CNGA3: variants seen among roughly 807,000 people sequenced by gnomAD.
CNGA3 encodes cyclic nucleotide gated channel subunit alpha 3.
Under a neutral mutation model 46.6 loss-of-function variants are expected in CNGA3, and 42 were observed. That is an observed-to-expected ratio of 0.90 (90% CI 0.70 to 1.17). The LOEUF is 1.17. Among genes scored for constraint, CNGA3 ranks in the 50% most tolerant of loss-of-function variants. CNGA3 has a pLI of 0.00. For missense variants in CNGA3, 893 were observed against 890.7 expected (o/e 1.00, Z -0.03); for synonymous variants, 394 against 369.4 (o/e 1.07, Z -0.76).
At chr2:98,351,410 G>A (rs367978845) in intron 1 of CNGA3, among the ~76,000 whole-genome samples, 1 of 152,162 alleles carries the variant, frequency 6.6e-6, no homozygotes, top group South Asian at 2.1e-4. Flanking sequence ...GAGATCTGAT[G>A]GCTTTATAAG....
chr2:98,368,174 C>A (rs1370733011), intron 1 of CNGA3, among the ~76,000 whole-genome samples: 1 of 152,216 alleles, frequency 6.6e-6, no homozygotes, highest in East Asian at 1.9e-4. Flanking sequence ...AGAGACAAGT[C>A]AGGACCCTGC....
At chr2:98,385,272 A>C (rs977821260) in intron 5 of CNGA3, among the ~76,000 whole-genome samples, 4 of 152,246 alleles carry the variant, frequency 2.6e-5, no homozygotes, top group Admixed American at 2.6e-4. Context: ...TGGTGACTTG[A>C]CGTTAAGACT....
In CNGA3 at chr2:98,346,477, A is replaced by G. The variant is rs1481839358; in HGVS notation, c.-95A>G. The G allele has an allele frequency of 1.5e-5, 6 of 398,358 alleles. No homozygotes were observed. The highest frequency in any genetic ancestry group is 2.2e-5 in the Non-Finnish European group (5 of 226,072). 24.7% of individuals were successfully genotyped at this position (398,358 alleles called of 1,614,324 possible). ...GAGCGGAACTGCGCCTAGGAGGCCG[A>G]GGGAGGAGGCGCTCCGCAGACCCTG... On this transcript the variant is annotated 5_prime_UTR_variant, in exon 1 of 8. Coordinates refer to ENST00000272602, the MANE Select transcript of CNGA3 (RefSeq NM_001298.3).
intron 7 of CNGA3, among the ~76,000 whole-genome samples, chr2:98,392,568 GA>G (rs547113749): frequency 8.4e-5 from 10 of 119,662 alleles, no homozygotes; most frequent in South Asian, 5.2e-4. Flanking sequence ...CTCAAAAAAA[GA>G]AAAAAAAAAG....
At chr2:98,367,051 C>G (rs1417714681) in intron 1 of CNGA3, among the ~76,000 whole-genome samples, 1 of 152,126 alleles carries the variant, frequency 6.6e-6, no homozygotes. Context: ...TGCTTGTCCT[C>G]ACTCTCCTTG....
intron 1 of CNGA3, among the ~76,000 whole-genome samples, chr2:98,351,667 T>A (rs970140960): frequency 2.6e-5 from 4 of 152,202 alleles, no homozygotes; most frequent in Non-Finnish European, 5.9e-5. Flanking sequence ...AATGAGTTGA[T>A]ACACGTAAAA....
intron 1 of CNGA3, among the ~76,000 whole-genome samples, chr2:98,361,970 G>A (rs918873394): frequency 6.6e-6 from 1 of 151,976 alleles, no homozygotes; most frequent in African/African-American, 2.4e-5. Flanking sequence ...GCCTCCCAAA[G>A]TGCTGGGATT....
At chr2:98,380,466 C>A in intron 4 of CNGA3, 112 bp downstream of exon 4, 1 of 1,305,726 alleles carries the variant, frequency 7.7e-7, no homozygotes, top group Non-Finnish European at 1.1e-6. Flanking sequence ...GAACGTCATC[C>A]CCATGAGCTG....
intron 1 of CNGA3, among the ~76,000 whole-genome samples, chr2:98,360,456 A>G (rs1692004848): frequency 6.6e-6 from 1 of 152,218 alleles, no homozygotes; most frequent in Non-Finnish European, 1.5e-5. Flanking sequence ...GTAATTCGAT[A>G]GTTTTTCCAC....
intron 2 of CNGA3, 83 bp from the exon 3 acceptor site, chr2:98,377,604 A>G: frequency 7.4e-7 from 1 of 1,344,122 alleles, no homozygotes; most frequent in South Asian, 1.3e-5. Flanking sequence ...TAAGCAGAAC[A>G]TCTGACTGTC....
Position 98,396,030 on chromosome 2 carries a change from T to A in CNGA3, c.860T>A (p.Phe287Tyr), listed in dbSNP as rs754926768. 9 of 1,614,226 alleles carry A rather than the reference T, an allele frequency of 5.6e-6. No individual in the cohort carries two copies. In the South Asian group the frequency reaches 9.9e-5, roughly 18 times the overall value. The change falls in exon 8 of 8, where the codon TTC becomes TAC. Residue 287 changes from phenylalanine (F) to tyrosine (Y), a missense_variant. Phe to Tyr is a conservative substitution (Grantham distance 22, BLOSUM62 3). Around this residue, in one of 3 missense-constraint regions of CNGA3, gnomAD observed 548 missense variants for 570.8 expected, o/e 0.96. Transcript: ENST00000272602. ...CTGAAGTTTTCCCGGCTCTTTGAAT[T>A]CTTTGACCGCACAGAGACAAGGACC... ...RLLKFSRLFE[F>Y]FDRTETRTNY...
chr2:98,379,036 G>C (rs1009374176), intron 3 of CNGA3, among the ~76,000 whole-genome samples: 7 of 152,252 alleles, frequency 4.6e-5, no homozygotes, highest in South Asian at 4.1e-4. Flanking sequence ...CTGTGCGTCA[G>C]TTGTCTGTCC....
At chr2:98,379,152 T>C (rs542532916) in intron 3 of CNGA3, among the ~76,000 whole-genome samples, 8 of 152,360 alleles carry the variant, frequency 5.3e-5, no homozygotes, top group African/African-American at 1.9e-4. Context: ...GAGACTGGGC[T>C]TGGCAGATAC....
At chr2:98,378,652 A>C (rs1692468704) in intron 3 of CNGA3, among the ~76,000 whole-genome samples, 1 of 152,230 alleles carries the variant, frequency 6.6e-6, no homozygotes, top group Non-Finnish European at 1.5e-5. Context: ...AGTGATGTTC[A>C]GTGTTTGCAT....
At chr2:98,368,424 C>T (rs148237146) in intron 1 of CNGA3, among the ~76,000 whole-genome samples, 1,861 of 152,352 alleles carry the variant, frequency 0.012, 33 homozygotes, top group African/African-American at 0.04. Context: ...GAGAAACCAT[C>T]CTCAGAAATG....
At chr2:98,376,712 G>A (rs533271711) in intron 2 of CNGA3, among the ~76,000 whole-genome samples, 1 of 152,278 alleles carries the variant, frequency 6.6e-6, no homozygotes, top group East Asian at 1.9e-4. Flanking sequence ...GGCTAATTGG[G>A]TTGGAACAGG....
chr2:98,377,566 G>A, intron 2 of CNGA3, 121 bp from the exon 3 acceptor site: 2 of 903,824 alleles, frequency 2.2e-6, no homozygotes, highest in Non-Finnish European at 3.5e-6. Context: ...CCCCTGGGAT[G>A]AGGATCTGTG....
chr2:98,389,901 T>G (rs958959757), intron 6 of CNGA3, 127 bp downstream of exon 6: 2 of 666,838 alleles, frequency 3.0e-6, no homozygotes, highest in African/African-American at 3.6e-5. Context: ...ACTTAGTTAT[T>G]GTGCCTCGGT....
chr2:98,370,544 A>G (rs1245478541), intron 2 of CNGA3, among the ~76,000 whole-genome samples: 3 of 152,224 alleles, frequency 2.0e-5, no homozygotes, highest in East Asian at 3.8e-4. Flanking sequence ...GGCCATGCCC[A>G]GGGCCTGTAT....
Sources: allele counts gnomAD v4.1 joint callset (sites outside exome capture counted in the v4.1 genomes callset), GRCh38; gene constraint gnomAD v4.1.1; regional missense constraint gnomAD v4.1.1; transcripts MANE v1.5; gene names NCBI Gene and HGNC (gene_info 2026-07-23, HGNC 2026-07-21).